Variants in RAB31 observed in about 807,000 individuals in gnomAD.
The protein encoded by RAB31 is ras-related protein Rab-31.
A neutral mutation model predicts 25.6 loss-of-function variants in RAB31; 21 were observed. That is an observed-to-expected ratio of 0.82 (90% CI 0.58 to 1.18). The LOEUF (loss-of-function observed/expected upper bound fraction) is 1.18, where lower values mean the gene tolerates loss of function less well. RAB31 is among the 50% of genes most tolerant of loss of function. The pLI is 0.00. For missense variants in RAB31, 196 were observed against 250.1 expected, an observed-to-expected ratio of 0.78 and a Z score of 1.46; for synonymous variants, 87 against 84.0, an observed-to-expected ratio of 1.04 and a Z score of -0.20.
In RAB31 at chr18:9,859,589, T is replaced by TA. The variant is rs60755218; in HGVS notation, c.*279dup. 0.56 allele frequency: 115,412 copies of TA among 207,560 alleles called. 28,569 individuals are homozygous for TA. Among genetic ancestry groups the TA allele is most frequent in the African/African-American group, 0.65 (26,556 of 41,000 alleles). 12.9% of individuals were successfully genotyped at this position (207,560 alleles called of 1,614,324 possible). ...GGAGGGGATGTAGTTGCATTTTTGCTAAAAAAAAAAAAAAACCTTTAAAAA... is the reference window on the plus strand; with the variant it reads ...GGAGGGGATGTAGTTGCATTTTTGCTAAAAAAAAAAAAAAAACCTTTAAAAA... On this transcript the variant is annotated 3_prime_UTR_variant, in exon 7 of 7. Coordinates refer to ENST00000578921, the MANE Select transcript of RAB31 (RefSeq NM_006868.4).
chr18:9,733,985 T>C (rs1168017954), intron 1 of RAB31, among the ~76,000 whole-genome samples: 5 of 151,458 alleles, frequency 3.3e-5, no homozygotes, highest in African/African-American at 1.2e-4. Context: ...GAGTATCTAT[T>C]AATACAAATG....
chr18:9,845,490 A>C (rs1568194938), intron 5 of RAB31, 92 bp from the exon 6 acceptor site: 1 of 1,067,146 alleles, frequency 9.4e-7, no homozygotes, highest in Non-Finnish European at 1.3e-6. Flanking sequence ...AAGATAAAGG[A>C]GCTGTTGCCG....
At chr18:9,713,827 C>T (rs1361383159) in intron 1 of RAB31, among the ~76,000 whole-genome samples, 1 of 152,304 alleles carries the variant, frequency 6.6e-6, no homozygotes, top group East Asian at 1.9e-4. Context: ...GGCTCGATTT[C>T]TGGTTTGCAG....
At chr18:9,763,804 C>A (rs2068301020) in intron 1 of RAB31, among the ~76,000 whole-genome samples, 1 of 151,968 alleles carries the variant, frequency 6.6e-6, no homozygotes, top group African/African-American at 2.4e-5. Context: ...TTCTCATCAT[C>A]AATATTATTA....
chr18:9,727,356 G>T (rs115799920), intron 1 of RAB31, among the ~76,000 whole-genome samples: 13 of 152,266 alleles, frequency 8.5e-5, no homozygotes, highest in Middle Eastern at 3.4e-3. Context: ...TCTCTCTGTC[G>T]TCTAGGCTAG....
chr18:9,816,971 G>T (rs754203004), intron 5 of RAB31, among the ~76,000 whole-genome samples: 1 of 152,118 alleles, frequency 6.6e-6, no homozygotes, highest in Non-Finnish European at 1.5e-5. Flanking sequence ...GTTTCTTTAG[G>T]ATTTCAAAAG....
At chr18:9,740,952 G>C (rs146004666) in intron 1 of RAB31, among the ~76,000 whole-genome samples, 6 of 152,268 alleles carry the variant, frequency 3.9e-5, no homozygotes, top group African/African-American at 1.4e-4. Context: ...CTTGCTTGTA[G>C]TAAGTGGCCT....
At chr18:9,780,418 AT>A (rs1321005369) in intron 2 of RAB31, among the ~76,000 whole-genome samples, 2 of 152,222 alleles carry the variant, frequency 1.3e-5, no homozygotes, top group African/African-American at 2.4e-5. Flanking sequence ...ATGAGGAAAA[AT>A]ATTTTAAAAA....
At chr18:9,764,516 A>G (rs1013276037) in intron 1 of RAB31, among the ~76,000 whole-genome samples, 1 of 152,178 alleles carries the variant, frequency 6.6e-6, no homozygotes, top group African/African-American at 2.4e-5. Flanking sequence ...ATTGAGGATG[A>G]AGCCATCTCT....
chr18:9,750,081 A>T (rs1304373858), intron 1 of RAB31, among the ~76,000 whole-genome samples: 1 of 152,204 alleles, frequency 6.6e-6, no homozygotes, highest in African/African-American at 2.4e-5. Flanking sequence ...ACAGGCCGAA[A>T]GGTACAGGGT....
intron 5 of RAB31, among the ~76,000 whole-genome samples, chr18:9,826,647 A>G (rs975129387): frequency 1.3e-5 from 2 of 152,172 alleles, no homozygotes; most frequent in Non-Finnish European, 2.9e-5. Context: ...ACAACCCTAA[A>G]CAAATTCTTC....
intron 2 of RAB31, among the ~76,000 whole-genome samples, chr18:9,782,077 G>A (rs2068407621): frequency 6.6e-6 from 1 of 152,182 alleles, no homozygotes; most frequent in Non-Finnish European, 1.5e-5. Context: ...GAGCCAGCCG[G>A]TGCCACTCCG....
chr18:9,713,355 G>C (rs2068027513), intron 1 of RAB31, among the ~76,000 whole-genome samples: 1 of 152,094 alleles, frequency 6.6e-6, no homozygotes, highest in Non-Finnish European at 1.5e-5. Flanking sequence ...TTTATTTCTT[G>C]GCACAACTGA....
intron 1 of RAB31, among the ~76,000 whole-genome samples, chr18:9,720,577 GACAC>G (rs374585498): frequency 6.6e-6 from 1 of 151,828 alleles, no homozygotes; most frequent in South Asian, 2.1e-4. Context: ...ACTTACATGA[GACAC>G]ACACACACAG....
intron 1 of RAB31, among the ~76,000 whole-genome samples, chr18:9,764,731 C>T (rs2068306593): frequency 6.6e-6 from 1 of 152,038 alleles, no homozygotes; most frequent in South Asian, 2.1e-4. Flanking sequence ...GCACCTTATT[C>T]TCTGTATGTG....
intron 2 of RAB31, chr18:9,787,834 T>C (rs2068441462): frequency 6.6e-6 from 1 of 152,250 alleles, no homozygotes; most frequent in Non-Finnish European, 1.5e-5. Context: ...ATAAGCATTT[T>C]TGATGAAACC....
intron 1 of RAB31, among the ~76,000 whole-genome samples, chr18:9,744,022 T>C (rs2068193181): frequency 1.3e-5 from 2 of 152,252 alleles, no homozygotes; most frequent in African/African-American, 4.8e-5. Context: ...CATTAATCTT[T>C]CCTCATTTTA....
At chr18:9,770,443 T>G (rs932888248) in intron 1 of RAB31, among the ~76,000 whole-genome samples, 5 of 152,190 alleles carry the variant, frequency 3.3e-5, no homozygotes, top group Non-Finnish European at 7.3e-5. Context: ...TTCATAATTA[T>G]AGATTTACAT....
At chr18:9,731,541 T>G (rs2068122650) in intron 1 of RAB31, among the ~76,000 whole-genome samples, 1 of 151,036 alleles carries the variant, frequency 6.6e-6, no homozygotes, top group Non-Finnish European at 1.5e-5. Flanking sequence ...TGAGTGGATC[T>G]CACAAGGTGA....
Sources: gnomAD v4.1 joint callset for allele counts (sites outside exome capture counted in the v4.1 genomes callset) on GRCh38, gnomAD v4.1.1 for gene constraint, MANE v1.5 for transcripts, NCBI Gene and HGNC (gene_info 2026-07-23, HGNC 2026-07-21) for gene names.